The following MAGI1 variants were observed in gnomAD, a reference collection of about 807,000 sequenced individuals.
The protein encoded by MAGI1 is membrane associated guanylate kinase, WW and PDZ domain containing 1, also known as membrane-associated guanylate kinase, WW and PDZ domain-containing protein 1.
MAGI1 carries 58 observed loss-of-function variants against 139.9 expected under a neutral mutation model. The observed-to-expected ratio is 0.41, with a 90% CI of 0.34 to 0.52. The LOEUF (loss-of-function observed/expected upper bound fraction) is 0.52, where lower values mean the gene tolerates loss of function less well. Among genes scored for constraint, MAGI1 ranks in the 20% least tolerant of loss-of-function variants. MAGI1 has a pLI of 0.12. For missense variants in MAGI1, 1,874 were observed against 1,901.6 expected (o/e 0.99, Z 0.27); for synonymous variants, 812 against 737.9 (o/e 1.10, Z -1.63).
chr3:65,752,468 T>C (rs1192481304), intron 1 of MAGI1, among the ~76,000 whole-genome samples: 1 of 152,234 alleles, frequency 6.6e-6, no homozygotes. Flanking sequence ...TCAAAATTAA[T>C]GACATAATTA....
intron 2 of MAGI1, among the ~76,000 whole-genome samples, chr3:65,570,316 G>A (rs1275783886): frequency 6.6e-6 from 1 of 151,498 alleles, no homozygotes; most frequent in Admixed American, 6.6e-5. Context: ...TGGCCAGGCT[G>A]GTCTCAAACT....
At chr3:65,556,836 A>G (rs1035373071) in intron 2 of MAGI1, among the ~76,000 whole-genome samples, 2 of 152,188 alleles carry the variant, frequency 1.3e-5, no homozygotes, top group Admixed American at 1.3e-4. Context: ...CTAAAAGGAC[A>G]TGTCTTTTTA....
rs1017694944 is a variant in MAGI1, at chr3:65,355,687, T to C, written c.*691A>G. On this transcript the variant is annotated 3_prime_UTR_variant, in exon 23 of 23. Transcript: ENST00000402939. ...TGTATTTGAGTAAAAGTGGCCGACA[T>C]TTTTGTCTGTGTGCCTTCCTGGGCC... is the stretch of plus-strand genomic sequence containing the variant. 2.6e-5 allele frequency: 4 copies of C among 152,664 alleles called. No homozygotes were observed. Among genetic ancestry groups the C allele is most frequent in the African/African-American group, 9.7e-5 (4 of 41,446 alleles). The allele number at this position is 152,664 out of a possible 1,614,324, so 9.5% of individuals were successfully genotyped here.
chr3:65,483,024 C>T (rs567093004), intron 3 of MAGI1, among the ~76,000 whole-genome samples: 1 of 152,384 alleles, frequency 6.6e-6, no homozygotes, highest in Admixed American at 6.5e-5. Context: ...ACAGTGCCCT[C>T]AGGCTGCTGC....
intron 1 of MAGI1, among the ~76,000 whole-genome samples, chr3:65,884,375 C>G (rs1248815678): frequency 1.3e-5 from 2 of 152,046 alleles, no homozygotes; most frequent in Non-Finnish European, 2.9e-5. Context: ...GGTGGAAGAA[C>G]GAAGGGAGAA....
intron 1 of MAGI1, among the ~76,000 whole-genome samples, chr3:66,022,420 T>C (rs1261942601): frequency 6.6e-6 from 1 of 152,210 alleles, no homozygotes; most frequent in African/African-American, 2.4e-5. Context: ...AATATATCAA[T>C]ATTGAGATAA....
intron 2 of MAGI1, among the ~76,000 whole-genome samples, chr3:65,598,928 T>A (rs958505003): frequency 6.6e-6 from 1 of 152,204 alleles, no homozygotes; most frequent in Non-Finnish European, 1.5e-5. Context: ...AAATGGTCAG[T>A]CATTGCTGAA....
intron 2 of MAGI1, among the ~76,000 whole-genome samples, chr3:65,602,329 A>T (rs1388821071): frequency 6.6e-6 from 1 of 152,224 alleles, no homozygotes; most frequent in Non-Finnish European, 1.5e-5. Flanking sequence ...ATGAATGAAT[A>T]AAATGTGGCA....
At chr3:65,705,293 T>A (rs2030001398) in intron 1 of MAGI1, among the ~76,000 whole-genome samples, 1 of 145,514 alleles carries the variant, frequency 6.9e-6, no homozygotes, top group African/African-American at 2.7e-5. Flanking sequence ...ACAAAGTGGT[T>A]AACATTCAGT....
intron 1 of MAGI1, among the ~76,000 whole-genome samples, chr3:65,731,702 T>A (rs976890338): frequency 6.6e-6 from 1 of 151,384 alleles, no homozygotes; most frequent in Non-Finnish European, 1.5e-5. Flanking sequence ...ATTTACATTA[T>A]CATGCATAAA....
intron 1 of MAGI1, among the ~76,000 whole-genome samples, chr3:66,032,914 CAAAAAA>C (rs58736926): frequency 1.8e-5 from 2 of 110,274 alleles, no homozygotes; most frequent in African/African-American, 6.9e-5. Flanking sequence ...AACTCCATCT[CAAAAAA>C]AAAAAAAAAA....
chr3:65,646,632 G>C (rs559801109), intron 1 of MAGI1, among the ~76,000 whole-genome samples: 2 of 152,078 alleles, frequency 1.3e-5, no homozygotes, highest in African/African-American at 4.8e-5. Flanking sequence ...CATATACCAA[G>C]ATTGACCGTG....
At chr3:65,864,119 A>T (rs897328508) in intron 1 of MAGI1, among the ~76,000 whole-genome samples, 1 of 152,244 alleles carries the variant, frequency 6.6e-6, no homozygotes, top group Non-Finnish European at 1.5e-5. Context: ...AACCAAAAAA[A>T]ATAAGGTTAT....
intron 1 of MAGI1, among the ~76,000 whole-genome samples, chr3:65,963,408 G>A (rs2064562945): frequency 6.6e-6 from 1 of 151,482 alleles, no homozygotes; most frequent in Non-Finnish European, 1.5e-5. Context: ...ACAAGGTCAA[G>A]AGATCCAGAC....
chr3:65,704,418 G>A (rs1356185196), intron 1 of MAGI1, among the ~76,000 whole-genome samples: 1 of 152,144 alleles, frequency 6.6e-6, no homozygotes, highest in Non-Finnish European at 1.5e-5. Flanking sequence ...CTCAAATCAG[G>A]CTGGCTGTCC....
chr3:65,654,795 G>A (rs926709004), intron 1 of MAGI1, among the ~76,000 whole-genome samples: 9 of 152,178 alleles, frequency 5.9e-5, no homozygotes, highest in African/African-American at 2.2e-4. Flanking sequence ...CCCACCAATT[G>A]CTCTGTCAAC....
At chr3:65,609,265 T>C (rs1406758030) in intron 2 of MAGI1, among the ~76,000 whole-genome samples, 1 of 150,348 alleles carries the variant, frequency 6.7e-6, no homozygotes, top group Non-Finnish European at 1.5e-5. Context: ...CATCTCTATC[T>C]CTCTCTCTCT....
intron 1 of MAGI1, among the ~76,000 whole-genome samples, chr3:65,924,585 A>T (rs908575622): frequency 1.3e-5 from 2 of 152,154 alleles, no homozygotes; most frequent in Non-Finnish European, 2.9e-5. Context: ...CAAATTATCT[A>T]CCTGTAAGTC....
Position 65,690,671 on chromosome 3 carries a change from G to T in MAGI1, c.314-68583C>A, listed in dbSNP as rs149240499. On this transcript the variant is annotated intron_variant, in intron 1 of 22. Coordinates refer to ENST00000402939, the MANE Select transcript of MAGI1 (RefSeq NM_001033057.2). ...TTTTTTTTTTTTTAAGTAGAGACAG[G>T]GTTTCACCATGTTGCCCAGGCTGGT... Among the ~76,000 whole-genome samples the T allele has an allele frequency of 7.9e-3, 922 of 116,656 alleles. 9 individuals are homozygous for T. The highest frequency in any genetic ancestry group is 0.034 in the African/African-American group (872 of 25,624). The allele number at this position is 116,656 out of a possible 152,430, so 76.5% of individuals were successfully genotyped here.
Sources: gnomAD v4.1 joint callset for allele counts (sites outside exome capture counted in the v4.1 genomes callset) on GRCh38, gnomAD v4.1.1 for gene constraint, MANE v1.5 for transcripts, NCBI Gene and HGNC (gene_info 2026-07-23, HGNC 2026-07-21) for gene names.